Variants in AK8 observed in about 807,000 individuals in gnomAD.
The protein encoded by AK8 is adenylate kinase 8.
AK8 carries 44 observed loss-of-function variants against 54.6 expected under a neutral mutation model. That is an observed-to-expected ratio of 0.81 (90% CI 0.63 to 1.04). The LOEUF (loss-of-function observed/expected upper bound fraction) is 1.04, where lower values mean the gene tolerates loss of function less well. Ranked by LOEUF, AK8 falls within the 50% of genes least tolerant of loss-of-function variation. The pLI is 0.00. For missense variants in AK8, 555 were observed against 613.6 expected (o/e 0.90, Z 1.01); for synonymous variants, 239 against 245.6 (o/e 0.97, Z 0.25).
intron 9 of AK8, among the ~76,000 whole-genome samples, chr9:132,817,404 G>A (rs1208763284): frequency 6.6e-6 from 1 of 152,152 alleles, no homozygotes; most frequent in Non-Finnish European, 1.5e-5. Flanking sequence ...CAGAGAATCA[G>A]ATCGGGGATG....
At chr9:132,815,007 C>T (rs1329190778) in intron 9 of AK8, among the ~76,000 whole-genome samples, 1 of 152,218 alleles carries the variant, frequency 6.6e-6, no homozygotes, top group Non-Finnish European at 1.5e-5. Flanking sequence ...GAGGATGTTG[C>T]CCACAGAGGA....
intron 11 of AK8, among the ~76,000 whole-genome samples, chr9:132,751,014 A>C (rs1191541133): frequency 1.3e-5 from 2 of 151,968 alleles, no homozygotes; most frequent in Non-Finnish European, 2.9e-5. Flanking sequence ...GAACCGACCC[A>C]AGGAGGTGAA....
intron 11 of AK8, among the ~76,000 whole-genome samples, chr9:132,729,634 C>A (rs900502631): frequency 6.6e-6 from 1 of 152,188 alleles, no homozygotes; most frequent in African/African-American, 2.4e-5. Context: ...TCGGACACAG[C>A]AGGAAGTTCC....
intron 11 of AK8, 48 bp downstream of exon 11, chr9:132,792,586 G>C: frequency 6.5e-7 from 1 of 1,528,746 alleles, no homozygotes; most frequent in Admixed American, 2.0e-5. Flanking sequence ...TGGAGAGGGG[G>C]TGCCCAGGGG....
chr9:132,773,781 T>C (rs1308076461), intron 11 of AK8, among the ~76,000 whole-genome samples: 8 of 152,172 alleles, frequency 5.3e-5, no homozygotes, highest in Non-Finnish European at 8.8e-5. Context: ...GAGAAAAATA[T>C]GTAAAGTCTT....
chr9:132,798,409 A>G (rs983914906), intron 10 of AK8, among the ~76,000 whole-genome samples: 1 of 152,130 alleles, frequency 6.6e-6, no homozygotes, highest in African/African-American at 2.4e-5. Flanking sequence ...TCCTTGGTTC[A>G]CTGTGCTCTG....
intron 8 of AK8, 43 bp from the exon 9 acceptor site, chr9:132,823,379 G>A: frequency 1.2e-6 from 2 of 1,611,614 alleles, no homozygotes; most frequent in South Asian, 1.1e-5. Flanking sequence ...AGGTCCTAGA[G>A]AACAGGAAAC....
chr9:132,729,454 G>A (rs1021918210), intron 11 of AK8, among the ~76,000 whole-genome samples: 1 of 152,196 alleles, frequency 6.6e-6, no homozygotes, highest in African/African-American at 2.4e-5. Context: ...TGGGGCTGGG[G>A]ATGAGCCAAG....
chr9:132,874,192 A>G (rs1843985893), intron 2 of AK8: 1 of 152,246 alleles, frequency 6.6e-6, no homozygotes, highest in Non-Finnish European at 1.5e-5. Flanking sequence ...CTGCCTGCCT[A>G]GGTCCATGCA....
At chr9:132,742,399 T>C (rs1590180790) in intron 11 of AK8, among the ~76,000 whole-genome samples, 1 of 152,198 alleles carries the variant, frequency 6.6e-6, no homozygotes, top group East Asian at 1.9e-4. Context: ...GTTGGTCTTT[T>C]GGGCTCAAGT....
At chr9:132,827,889 G>A in intron 7 of AK8, 124 bp downstream of exon 7, 1 of 919,634 alleles carries the variant, frequency 1.1e-6, no homozygotes, top group Non-Finnish European at 1.6e-6. Context: ...GCCTGTGGCA[G>A]CCTTCCTCGT....
rs533024084 is a variant in AK8, at chr9:132,867,474, T to G, written c.170-521A>C. 7.9e-5 allele frequency among the ~76,000 whole-genome samples: 12 copies of G among 152,348 alleles called. No individual in the cohort carries two copies. In the East Asian group the frequency reaches 2.3e-3, roughly 29 times the overall value. On this transcript the variant is annotated intron_variant, in intron 2 of 12. Transcript: ENST00000298545. ...CTGTTTTCAAAGATGGGCATTTCTA[T>G]GCAAATGGAAAACACTGGCACCTTG...
At position 132,733,857 on chromosome 9, in the gene AK8, G is replaced by T. The variant is rs73545189; in HGVS notation, c.1122-6323C>A. On this transcript the variant is annotated intron_variant, in intron 11 of 12. Transcript: ENST00000298545. ...CCTGGTGTGGGTGAGGGTAGTGGGT[G>T]CCTGGACTGGCCAGGGGCGGGCACT... is the stretch of plus-strand genomic sequence containing the variant. Among the ~76,000 whole-genome samples, 540 of 152,320 alleles carry T rather than the reference G, an allele frequency of 3.5e-3. 4 individuals carry two copies. Among genetic ancestry groups the T allele is most frequent in the African/African-American group, 0.012 (508 of 41,560 alleles).
chr9:132,767,952 G>C (rs1475555636), intron 11 of AK8, among the ~76,000 whole-genome samples: 1 of 152,190 alleles, frequency 6.6e-6, no homozygotes, highest in Non-Finnish European at 1.5e-5. Flanking sequence ...CAGAGGCTGG[G>C]AGGGGCCAGG....
At chr9:132,833,721 GA>G (rs1194300323) in intron 5 of AK8, among the ~76,000 whole-genome samples, 1 of 151,998 alleles carries the variant, frequency 6.6e-6, no homozygotes, top group Non-Finnish European at 1.5e-5. Flanking sequence ...TGTCACAGAT[GA>G]AAAAAAAGCA....
intron 4 of AK8, among the ~76,000 whole-genome samples, chr9:132,855,833 C>T (rs1843152750): frequency 6.6e-6 from 1 of 152,160 alleles, no homozygotes; most frequent in Non-Finnish European, 1.5e-5. Flanking sequence ...AAAGAGGAAT[C>T]CCAAAGAGGA....
chr9:132,856,333 G>A (rs1442249997), intron 4 of AK8, among the ~76,000 whole-genome samples: 2 of 152,246 alleles, frequency 1.3e-5, no homozygotes, highest in Non-Finnish European at 2.9e-5. Context: ...TCTGCTCCTG[G>A]CGGCTGCGAT....
Position 132,790,477 on chromosome 9 carries a change from C to T in AK8, c.1121+2157G>A, listed in dbSNP as rs1212749413. 1.3e-5 allele frequency among the ~76,000 whole-genome samples: 2 copies of T among 152,162 alleles called. No individual in the cohort carries two copies. Among genetic ancestry groups the T allele is most frequent in the African/African-American group, 4.8e-5 (2 of 41,428 alleles). ...ATGTTAGCCAGGATGGTCTCGATCT[C>T]CTGACCTCATGATCCACCCACCTCG... is the stretch of plus-strand genomic sequence containing the variant. On this transcript the variant is annotated intron_variant, in intron 11 of 12. Coordinates refer to ENST00000298545, the MANE Select transcript of AK8 (RefSeq NM_152572.3). This position sits in a 1 kb window ranked among gnomAD's most constrained non-coding sequence, Gnocchi z 4.1.
At chr9:132,731,397 G>A (rs1351858989) in intron 11 of AK8, among the ~76,000 whole-genome samples, 1 of 152,172 alleles carries the variant, frequency 6.6e-6, no homozygotes, top group Non-Finnish European at 1.5e-5. Context: ...CTGTGCAGGT[G>A]TCTCCAGAGG....
Sources: allele counts gnomAD v4.1 joint callset (sites outside exome capture counted in the v4.1 genomes callset), GRCh38; gene constraint gnomAD v4.1.1; non-coding constraint Gnocchi (gnomAD v3.1); transcripts MANE v1.5; gene names NCBI Gene and HGNC (gene_info 2026-07-23, HGNC 2026-07-21).